Variants in TMEM33 observed in about 807,000 individuals in gnomAD.
TMEM33 encodes transmembrane protein 33.
A neutral mutation model predicts 29.7 loss-of-function variants in TMEM33; 16 were observed. That is an observed-to-expected ratio of 0.54 (90% CI 0.36 to 0.82). TMEM33 has a LOEUF of 0.82. TMEM33 is among the 40% of genes least tolerant of loss of function. The probability of loss-of-function intolerance (pLI) is 0.00; values close to 1 mark genes in which losing one functional copy is unlikely to be tolerated. For synonymous variants in TMEM33, 112 were observed against 109.4 expected (o/e 1.02, Z -0.15); for missense variants, 252 against 295.3 (o/e 0.85, Z 1.08).
chr4:41,943,273 C>G (rs1341197457), intron 3 of TMEM33, among the ~76,000 whole-genome samples: 2 of 152,066 alleles, frequency 1.3e-5, no homozygotes, highest in Admixed American at 1.3e-4. Flanking sequence ...ACCTGTAATC[C>G]CAGCACTTTG....
At position 41,957,000 on chromosome 4, in the gene TMEM33, CTT is replaced by C. The variant is rs1326128595; in HGVS notation, c.*2803_*2804del. 6.6e-6 allele frequency: 1 copy of C among 152,132 alleles called. No homozygotes were observed. The highest frequency in any genetic ancestry group is 1.9e-4 in the East Asian group (1 of 5,204). 9.4% of individuals were successfully genotyped at this position (152,132 alleles called of 1,614,324 possible). A position where few individuals can be genotyped will look rare whatever the true frequency, so the allele number is the denominator to read the frequency against. On this transcript the variant is annotated 3_prime_UTR_variant, in exon 7 of 7. Coordinates refer to ENST00000504986, the MANE Select transcript of TMEM33 (RefSeq NM_018126.3). ...ATGAATGTAGTAACAGAAATTAACT[CTT>C]TACTGCATCATTGAACTTATTGTTA...
At chr4:41,946,786 A>G (rs1002342666) in intron 5 of TMEM33, among the ~76,000 whole-genome samples, 1 of 152,114 alleles carries the variant, frequency 6.6e-6, no homozygotes, top group African/African-American at 2.4e-5. Flanking sequence ...TGTGATCCTG[A>G]TCTACACTTA....
chr4:41,949,729 A>C (rs1712956266), intron 6 of TMEM33, among the ~76,000 whole-genome samples: 1 of 152,172 alleles, frequency 6.6e-6, no homozygotes, highest in Admixed American at 6.5e-5. Flanking sequence ...TACAGAATTC[A>C]CAAGCCAATA....
At chr4:41,953,952 G>A in intron 6 of TMEM33, 118 bp from the exon 7 acceptor site, 1 of 1,288,124 alleles carries the variant, frequency 7.8e-7, no homozygotes, top group Non-Finnish European at 1.1e-6. Flanking sequence ...TGTATGCGGT[G>A]TTGCAACAAA....
intron 5 of TMEM33, among the ~76,000 whole-genome samples, chr4:41,947,213 C>T (rs899020810): frequency 6.7e-6 from 1 of 148,626 alleles, no homozygotes; most frequent in Non-Finnish European, 1.5e-5. Flanking sequence ...TCCAGCCTGG[C>T]GACAGACCAA....
At position 41,956,620 on chromosome 4, in the gene TMEM33, C is replaced by CA. The variant is rs1463782836; in HGVS notation, c.*2426dup. Reference sequence around the variant, plus strand: ...GGTCAATAATCCATGTTGGTTTTAACAAAAAGCATTTTAACATTAAAAATA... The same window carrying CA: ...GGTCAATAATCCATGTTGGTTTTAACAAAAAAGCATTTTAACATTAAAAATA... On this transcript the variant is annotated 3_prime_UTR_variant, in exon 7 of 7. Transcript: ENST00000504986. 1 of 151,898 alleles carries CA rather than the reference C, an allele frequency of 6.6e-6. No individual in the cohort carries two copies. Among genetic ancestry groups the CA allele is most frequent in the Non-Finnish European group, 1.5e-5 (1 of 67,968 alleles). The allele number at this position is 151,898 out of a possible 1,614,324, so 9.4% of individuals were successfully genotyped here.
At chr4:41,944,572 T>C (rs577866128) in intron 4 of TMEM33, among the ~76,000 whole-genome samples, 294 of 152,340 alleles carry the variant, frequency 1.9e-3, no homozygotes, top group African/African-American at 6.9e-3. Context: ...GAATGAAAAG[T>C]ACTTTTACTA....
Position 41,957,561 on chromosome 4 carries a change from A to G in TMEM33, c.*3362A>G, listed in dbSNP as rs942040817. On this transcript the variant is annotated 3_prime_UTR_variant, in exon 7 of 7. Coordinates refer to ENST00000504986, the MANE Select transcript of TMEM33 (RefSeq NM_018126.3). Reference sequence around the variant, plus strand: ...TTTTTTTCTGGAAAAGAAGATGAGTATATGTGTAATAAGACAAGTAGAACT... The same window carrying G: ...TTTTTTTCTGGAAAAGAAGATGAGTGTATGTGTAATAAGACAAGTAGAACT... 2.0e-5 allele frequency: 3 copies of G among 151,840 alleles called. No individual in the cohort carries two copies. The highest frequency in any genetic ancestry group is 4.4e-5 in the Non-Finnish European group (3 of 67,940). 9.4% of individuals were successfully genotyped at this position (151,840 alleles called of 1,614,324 possible). A position where few individuals can be genotyped will look rare whatever the true frequency, so the allele number is the denominator to read the frequency against.
intron 3 of TMEM33, among the ~76,000 whole-genome samples, chr4:41,940,046 C>CCTTTTTTTTTTTTTTTTTTTTTTTT (rs1553910603): frequency 3.7e-5 from 3 of 81,366 alleles, no homozygotes; most frequent in African/African-American, 1.7e-4. Context: ...GTTAAACTTT[C>CCTTTTTTTTTTTTTTTTTTTTTTTT]TTTTTTTTTT....
intron 3 of TMEM33, chr4:41,939,854 A>G (rs1285570342): frequency 4.4e-6 from 2 of 453,256 alleles, no homozygotes; most frequent in Non-Finnish European, 8.8e-6. Context: ...ATACAAAGAA[A>G]TTAATATTTG....
At chr4:41,943,569 ACTTT>A (rs1247037287) in intron 3 of TMEM33, among the ~76,000 whole-genome samples, 174 bp from the exon 4 acceptor site, 1 of 152,142 alleles carries the variant, frequency 6.6e-6, no homozygotes, top group Admixed American at 6.5e-5. Context: ...GAAATAGTTT[ACTTT>A]CTTCTTTATA....
At chr4:41,950,803 G>A (rs1466887926) in intron 6 of TMEM33, among the ~76,000 whole-genome samples, 1 of 151,758 alleles carries the variant, frequency 6.6e-6, no homozygotes, top group Non-Finnish European at 1.5e-5. Context: ...TTGTTTTTCT[G>A]TGCTTCTTTG....
At position 41,956,750 on chromosome 4, in the gene TMEM33, T is replaced by G. The variant is rs747407349; in HGVS notation, c.*2551T>G. ...TCATGTTTGACAAGTTGAAACAGAT[T>G]TGTTTCTTAAAGGAAGGTTTAATAT... On this transcript the variant is annotated 3_prime_UTR_variant, in exon 7 of 7. Coordinates refer to ENST00000504986, the MANE Select transcript of TMEM33 (RefSeq NM_018126.3). The G allele has an allele frequency of 1.3e-5, 2 of 152,200 alleles. No individual in the cohort carries two copies. The highest frequency in any genetic ancestry group is 2.9e-5 in the Non-Finnish European group (2 of 68,018). 9.4% of individuals were successfully genotyped at this position (152,200 alleles called of 1,614,324 possible).
In TMEM33 at chr4:41,940,010, G is replaced by A. The variant is rs183293962; in HGVS notation, c.328+627G>A. Among the ~76,000 whole-genome samples the A allele has an allele frequency of 1.5e-4, 23 of 150,910 alleles. 1 individual carries two copies. In the East Asian group the frequency reaches 3.7e-3, roughly 24 times the overall value. ...AGTCCATAAAGGAGGGGAAAAATGGGGAAGAGGTTCTATAGTGAACACTAG... is the reference window on the plus strand; with the variant it reads ...AGTCCATAAAGGAGGGGAAAAATGGAGAAGAGGTTCTATAGTGAACACTAG... On this transcript the variant is annotated intron_variant, in intron 3 of 6. Coordinates refer to ENST00000504986, the MANE Select transcript of TMEM33 (RefSeq NM_018126.3).
chr4:41,956,949 A>C lies in TMEM33; in HGVS notation c.*2750A>C, dbSNP rs1400203400. On this transcript the variant is annotated 3_prime_UTR_variant, in exon 7 of 7. Coordinates refer to ENST00000504986, the MANE Select transcript of TMEM33 (RefSeq NM_018126.3). ...CATGTATACCTATCAAATTAAAATT[A>C]AGGAAATACAATAGCAATATATAGA... 1 of 152,194 alleles carries C rather than the reference A, an allele frequency of 6.6e-6. No homozygotes were observed. Among genetic ancestry groups the C allele is most frequent in the African/African-American group, 2.4e-5 (1 of 41,456 alleles). The allele number at this position is 152,194 out of a possible 1,614,324, so 9.4% of individuals were successfully genotyped here. A position where few individuals can be genotyped will look rare whatever the true frequency, so the allele number is the denominator to read the frequency against.
Position 41,958,673 on chromosome 4 carries a change from T to C in TMEM33, c.*4474T>C, listed in dbSNP as rs994058303. The C allele has an allele frequency of 4.0e-5, 6 of 151,642 alleles. No individual in the cohort carries two copies. Among genetic ancestry groups the C allele is most frequent in the African/African-American group, 1.5e-4 (6 of 41,222 alleles). The allele number at this position is 151,642 out of a possible 1,614,324, so 9.4% of individuals were successfully genotyped here. The stretch of plus-strand genomic sequence containing the variant: ...CCTAGATTTGAAAATTATGCTTGGC[T>C]TGTAGAGACAACTAGTTTCTCTCGC... On this transcript the variant is annotated 3_prime_UTR_variant, in exon 7 of 7. Transcript: ENST00000504986.
Position 41,959,783 on chromosome 4 carries a change from T to TATACACACATACAA in TMEM33, c.*5584_*5585insATACACACATACAA, listed in dbSNP as rs1713406073. 1 of 152,186 alleles carries TATACACACATACAA rather than the reference T, an allele frequency of 6.6e-6. No homozygotes were observed. The highest frequency in any genetic ancestry group is 2.4e-5 in the African/African-American group (1 of 41,458). 9.4% of individuals were successfully genotyped at this position (152,186 alleles called of 1,614,324 possible). A position where few individuals can be genotyped will look rare whatever the true frequency, so the allele number is the denominator to read the frequency against. The stretch of plus-strand genomic sequence containing the variant: ...TATGATGTGTGTATATTGGAACAAA[T>TATACACACATACAA]GTAAAAGGGTTACAAAGATTAGAAA... On this transcript the variant is annotated 3_prime_UTR_variant, in exon 7 of 7. Coordinates refer to ENST00000504986, the MANE Select transcript of TMEM33 (RefSeq NM_018126.3).
At position 41,958,066 on chromosome 4, in the gene TMEM33, T is replaced by G. The variant is rs1202470986; in HGVS notation, c.*3867T>G. The stretch of plus-strand genomic sequence containing the variant: ...TTCACTCTTGTTGGCCAGGCTGGAG[T>G]GCAATGGCGCCATCTCAGCTCACTG... On this transcript the variant is annotated 3_prime_UTR_variant, in exon 7 of 7. Coordinates refer to ENST00000504986, the MANE Select transcript of TMEM33 (RefSeq NM_018126.3). 1 of 152,592 alleles carries G rather than the reference T, an allele frequency of 6.6e-6. No individual in the cohort carries two copies. The highest frequency in any genetic ancestry group is 1.5e-5 in the Non-Finnish European group (1 of 68,390). 9.5% of individuals were successfully genotyped at this position (152,592 alleles called of 1,614,324 possible).
At chr4:41,937,525 T>A (rs1304417781) in intron 1 of TMEM33, among the ~76,000 whole-genome samples, 1 of 152,190 alleles carries the variant, frequency 6.6e-6, no homozygotes, top group African/African-American at 2.4e-5. Flanking sequence ...GAAATTAAAT[T>A]ACATAGAGCA....
Sources: allele counts gnomAD v4.1 joint callset (sites outside exome capture counted in the v4.1 genomes callset), GRCh38; gene constraint gnomAD v4.1.1; transcripts MANE v1.5; gene names NCBI Gene and HGNC (gene_info 2026-07-23, HGNC 2026-07-21).